The following PCDH15 variants were observed in gnomAD, a reference collection of about 807,000 sequenced individuals.
PCDH15 encodes protocadherin related 15.
PCDH15 carries 129 observed loss-of-function variants against 178.5 expected under a neutral mutation model. The observed-to-expected ratio is 0.72, with a 90% CI of 0.63 to 0.84. The LOEUF is 0.84. Ranked by LOEUF, PCDH15 falls within the 40% of genes least tolerant of loss-of-function variation. The probability of loss-of-function intolerance (pLI) is 0.00; values close to 1 mark genes in which losing one functional copy is unlikely to be tolerated. For missense variants in PCDH15, 2,230 were observed against 2,099.9 expected (o/e 1.06, Z -1.21); for synonymous variants, 800 against 732.0 (o/e 1.09, Z -1.50).
intron 1 of PCDH15, among the ~76,000 whole-genome samples, chr10:54,687,348 A>T (rs1368010500): frequency 6.6e-6 from 1 of 152,162 alleles, no homozygotes; most frequent in East Asian, 1.9e-4. Flanking sequence ...AGATACAATC[A>T]TATACTAGTA....
chr10:54,448,752 C>T (rs1006133495), intron 3 of PCDH15, among the ~76,000 whole-genome samples: 1 of 151,722 alleles, frequency 6.6e-6, no homozygotes, highest in African/African-American at 2.4e-5. Flanking sequence ...TTTTCATGTA[C>T]TCTTAACTTC....
intron 3 of PCDH15, among the ~76,000 whole-genome samples, chr10:54,505,263 GT>G (rs1382536289): frequency 3.3e-5 from 5 of 151,968 alleles, no homozygotes; most frequent in Admixed American, 6.6e-5. Context: ...GTTATTTTCA[GT>G]TTTTCTCATG....
chr10:54,902,708 A>C (rs1218944538), intron 2 of PCDH15, among the ~76,000 whole-genome samples: 1 of 152,170 alleles, frequency 6.6e-6, no homozygotes, highest in Non-Finnish European at 1.5e-5. Flanking sequence ...CAGTGCCCTT[A>C]CTGAGGATGT....
At chr10:55,254,067 G>C (rs558794658) in intron 1 of PCDH15, among the ~76,000 whole-genome samples, 1 of 152,166 alleles carries the variant, frequency 6.6e-6, no homozygotes, top group South Asian at 2.1e-4. Context: ...GATTGTTACT[G>C]GTAGAAGGCA....
At chr10:54,766,942 A>AAC (rs1948589962) in intron 1 of PCDH15, among the ~76,000 whole-genome samples, 2 of 151,886 alleles carry the variant, frequency 1.3e-5, no homozygotes, top group Admixed American at 1.3e-4. Flanking sequence ...AAAAACAAAA[A>AAC]AAAAAATCTA....
At position 54,023,056 on chromosome 10, in the gene PCDH15, C is replaced by G. The variant is rs761217178; in HGVS notation, c.2362G>C (p.Val788Leu). ...ACTGCTCCATCTGTTGCCACAACAACAAGTTCATAGTAGTCCCTGACTTCT... is the reference window on the plus strand; with the variant it reads ...ACTGCTCCATCTGTTGCCACAACAAGAAGTTCATAGTAGTCCCTGACTTCT... ...NREVRDYYELVVVATDGAVHP... is the reference protein window; with the variant it reads ...NREVRDYYELLVVATDGAVHP... Residue 788 changes from valine (V) to leucine (L), a missense_variant, in exon 19 of 38, where the codon GTT (valine) becomes CTT (leucine). Transcript: ENST00000644397. 1.1e-5 allele frequency: 18 copies of G among 1,613,840 alleles called. No individual in the cohort carries two copies. Among genetic ancestry groups the G allele is most frequent in the South Asian group, 9.9e-5 (9 of 91,088 alleles).
At chr10:53,868,242 G>A (rs769339100) in intron 26 of PCDH15, among the ~76,000 whole-genome samples, 3 of 150,880 alleles carry the variant, frequency 2.0e-5, no homozygotes, top group South Asian at 2.1e-4. Context: ...TTTATTATCC[G>A]ATTATTCTTA....
rs1173377441 is a variant in PCDH15, at chr10:54,655,256, AAGAGAGAGAGAGAGAGAG to A, written c.91+8898_91+8915del. Among the ~76,000 whole-genome samples the A allele has an allele frequency of 4.5e-3, 218 of 48,914 alleles. 1 individual carries two copies. Among genetic ancestry groups the A allele is most frequent in the Admixed American group, 7.1e-3 (26 of 3,664 alleles). 32.1% of individuals were successfully genotyped at this position (48,914 alleles called of 152,430 possible). A position where few individuals can be genotyped will look rare whatever the true frequency, so the allele number is the denominator to read the frequency against. ...AGGAAGGGAAAGAAAGAAAGAAAGAAAGAGAGAGAGAGAGAGAGAGAGAGAGAGAGAGAGAGAGAGAGA... is the reference window on the plus strand; with the variant it reads ...AGGAAGGGAAAGAAAGAAAGAAAGAAAGAGAGAGAGAGAGAGAGAGAGAGA... On this transcript the variant is annotated intron_variant, in intron 2 of 37. Transcript: ENST00000644397.
chr10:54,115,825 C>A (rs928474004), intron 15 of PCDH15, among the ~76,000 whole-genome samples: 1 of 152,140 alleles, frequency 6.6e-6, no homozygotes, highest in Admixed American at 6.5e-5. Context: ...AAAGATGTTT[C>A]TTTAGTAACC....
At chr10:54,936,745 G>C (rs1379912753) in intron 2 of PCDH15, among the ~76,000 whole-genome samples, 1 of 149,684 alleles carries the variant, frequency 6.7e-6, no homozygotes, top group Admixed American at 6.6e-5. Context: ...AGTTTTAAGA[G>C]TTTTTTTATA....
chr10:55,339,960 T>A (rs1320887020), intron 2 of PCDH15, among the ~76,000 whole-genome samples: 1 of 151,584 alleles, frequency 6.6e-6, no homozygotes, highest in Non-Finnish European at 1.5e-5. Flanking sequence ...CAAATAGTTG[T>A]TTTTTGAAAG....
intron 18 of PCDH15, among the ~76,000 whole-genome samples, chr10:54,052,905 T>C (rs1264452907): frequency 6.6e-6 from 1 of 152,182 alleles, no homozygotes; most frequent in Non-Finnish European, 1.5e-5. Flanking sequence ...ACAAGATTGA[T>C]GGTTTTCTAA....
At chr10:55,062,657 T>C (rs555916452) in intron 2 of PCDH15, among the ~76,000 whole-genome samples, 15 of 152,274 alleles carry the variant, frequency 9.9e-5, no homozygotes, top group Admixed American at 9.8e-4. Context: ...GCTATAATGG[T>C]AGACACATGT....
rs1442912776 is a variant in PCDH15, at chr10:54,346,405, C to T, written c.554G>A (p.Gly185Glu). The T allele has an allele frequency of 6.2e-7, 1 of 1,613,430 alleles. No homozygotes were observed. Among genetic ancestry groups the T allele is most frequent in the Non-Finnish European group, 8.5e-7 (1 of 1,179,520 alleles). The stretch of plus-strand genomic sequence containing the variant: ...ATACTGAATAACATACTCTATCTGT[C>T]CATTTGGTCCATCATCTATATCTGT... ...GATDIDDGPN[G>E]QIEYVIQYNP... The change falls in exon 6 of 38, where the codon GGA (glycine) becomes GAA (glutamate). Residue 185 changes from glycine to glutamate, a missense_variant. Physicochemically the swap from Gly to Glu is moderately conservative, Grantham distance 98 (BLOSUM62 -2). Transcript: ENST00000644397.
chr10:55,175,353 G>C (rs535042413), intron 1 of PCDH15, among the ~76,000 whole-genome samples: 1 of 151,900 alleles, frequency 6.6e-6, no homozygotes, highest in Admixed American at 6.6e-5. Flanking sequence ...AATCCTAAAG[G>C]ATAAGTTTAT....
chr10:54,350,931 C>T (rs190638751), intron 5 of PCDH15, among the ~76,000 whole-genome samples: 8 of 152,040 alleles, frequency 5.3e-5, no homozygotes, highest in South Asian at 2.1e-4. Flanking sequence ...TGGTGAAATC[C>T]TGTCTCTACT....
At chr10:55,574,469 AC>A (rs1842461487) in intron 2 of PCDH15, among the ~76,000 whole-genome samples, 1 of 152,002 alleles carries the variant, frequency 6.6e-6, no homozygotes, top group Non-Finnish European at 1.5e-5. Flanking sequence ...ATATCACAAA[AC>A]AATGTCAGAG....
At chr10:54,467,601 G>GTTTTT (rs67776985) in intron 3 of PCDH15, among the ~76,000 whole-genome samples, 4 of 45,698 alleles carry the variant, frequency 8.8e-5, no homozygotes, top group East Asian at 7.1e-4. Context: ...TCAAGCTGTA[G>GTTTTT]TTTTTTTTTT....
chr10:55,548,010 C>T (rs767737757), intron 2 of PCDH15, among the ~76,000 whole-genome samples: 2 of 151,096 alleles, frequency 1.3e-5, no homozygotes, highest in African/African-American at 2.4e-5. Context: ...TCCCAGTTTA[C>T]ATGCCAGAGT....
Sources: gnomAD v4.1 joint callset for allele counts (sites outside exome capture counted in the v4.1 genomes callset) on GRCh38, gnomAD v4.1.1 for gene constraint, MANE v1.5 for transcripts, NCBI Gene and HGNC (gene_info 2026-07-23, HGNC 2026-07-21) for gene names.